DCTN5: variants seen among roughly 807,000 people sequenced by gnomAD.
DCTN5 encodes dynactin subunit 5.
DCTN5 carries 14 observed loss-of-function variants against 23.5 expected under a neutral mutation model. The ratio of observed to expected loss-of-function variants is 0.60; its 90% CI spans 0.39 to 0.93. The LOEUF is 0.93. Ranked by LOEUF, DCTN5 falls within the 40% of genes least tolerant of loss-of-function variation. The probability of loss-of-function intolerance (pLI) is 0.00; values close to 1 mark genes in which losing one functional copy is unlikely to be tolerated. For synonymous variants in DCTN5, 67 were observed against 79.6 expected, an observed-to-expected ratio of 0.84 and a Z score of 0.84; for missense variants, 156 against 225.9, an observed-to-expected ratio of 0.69 and a Z score of 1.98.
intron 4 of DCTN5, among the ~76,000 whole-genome samples, chr16:23,664,689 G>A (rs747509589): frequency 1.4e-4 from 22 of 152,316 alleles, no homozygotes; most frequent in Non-Finnish European, 2.9e-4. Context: ...TCTGAATGCC[G>A]TGGATCATGG....
intron 2 of DCTN5, among the ~76,000 whole-genome samples, chr16:23,653,006 G>A (rs963866875): frequency 2.6e-5 from 4 of 152,236 alleles, no homozygotes; most frequent in Admixed American, 2.6e-4. Context: ...GCTGGGCTTG[G>A]TGGTGCACAC....
At chr16:23,664,003 A>G (rs1029074711) in intron 4 of DCTN5, among the ~76,000 whole-genome samples, 2 of 152,196 alleles carry the variant, frequency 1.3e-5, no homozygotes, top group African/African-American at 4.8e-5. Context: ...CCATGGGACT[A>G]TATCATGCCT....
intron 2 of DCTN5, among the ~76,000 whole-genome samples, chr16:23,648,304 G>T (rs193041171): frequency 1.0e-3 from 154 of 150,098 alleles, no homozygotes; most frequent in African/African-American, 3.7e-3. Flanking sequence ...TATGCTACGG[G>T]CATGCACCAC....
chr16:23,656,060 C>CA (rs1053773015), intron 2 of DCTN5, among the ~76,000 whole-genome samples: 4 of 151,996 alleles, frequency 2.6e-5, no homozygotes, highest in Non-Finnish European at 5.9e-5. Context: ...CATGTCTCTA[C>CA]AAAAAATGAA....
rs189912297 is a variant in DCTN5 at position 23,665,585 on chromosome 16, G to A, written c.349-41G>A. On this transcript the variant is annotated intron_variant, in intron 4 of 5. Transcript: ENST00000300087. ...AAAATAGAAAGGAGCCTTTCACACA[G>A]TAGACTGATCCATTTCCTATTAACA... The A allele has an allele frequency of 7.0e-5, 110 of 1,571,904 alleles. 1 individual carries two copies. The East Asian group carries it at 2.3e-3, about 33-fold the overall frequency.
chr16:23,662,578 G>C (rs1390253465), intron 4 of DCTN5, among the ~76,000 whole-genome samples: 1 of 152,212 alleles, frequency 6.6e-6, no homozygotes, highest in Non-Finnish European at 1.5e-5. Context: ...TATGGAGCCA[G>C]CTCTCTGCCC....
At chr16:23,666,836 A>G in intron 5 of DCTN5, 1 of 657,052 alleles carries the variant, frequency 1.5e-6, no homozygotes, top group Non-Finnish European at 2.5e-6. Context: ...GAGGAAGGAG[A>G]GACTTTTGTT....
intron 2 of DCTN5, among the ~76,000 whole-genome samples, chr16:23,644,188 C>T (rs775002493): frequency 4.6e-5 from 7 of 151,726 alleles, no homozygotes; most frequent in Non-Finnish European, 7.4e-5. Context: ...AGTACAGTGG[C>T]GCGATCTTGG....
At chr16:23,657,863 CT>C (rs1212484431) in intron 2 of DCTN5, among the ~76,000 whole-genome samples, 1 of 152,202 alleles carries the variant, frequency 6.6e-6, no homozygotes, top group Non-Finnish European at 1.5e-5. Context: ...CCCTTGCTTA[CT>C]TTTTCCAGTT....
Position 23,673,304 on chromosome 16 carries a change from A to G in DCTN5, c.*6160A>G, listed in dbSNP as rs574736626. ...ATTTGTTTATTTTTTAAATAGAGAC[A>G]GGGTTTTACCATGTTGCCCAGACTA... is the stretch of plus-strand genomic sequence containing the variant. On this transcript the variant is annotated 3_prime_UTR_variant, in exon 6 of 6. Coordinates refer to ENST00000300087, the MANE Select transcript of DCTN5 (RefSeq NM_032486.4). 1.2e-3 allele frequency: 185 copies of G among 152,292 alleles called. No homozygotes were observed. The highest frequency in any genetic ancestry group is 4.3e-3 in the African/African-American group (179 of 41,568). 9.4% of individuals were successfully genotyped at this position (152,292 alleles called of 1,614,324 possible). A position where few individuals can be genotyped will look rare whatever the true frequency, so the allele number is the denominator to read the frequency against.
chr16:23,661,802 A>G (rs1401357330), intron 4 of DCTN5, among the ~76,000 whole-genome samples: 1 of 152,090 alleles, frequency 6.6e-6, no homozygotes, highest in Non-Finnish European at 1.5e-5. Flanking sequence ...GCGTTTATCA[A>G]GTCTCCTCTA....
rs1967998731 is a variant in DCTN5 at position 23,671,116 on chromosome 16, G to A, written c.*3972G>A. On this transcript the variant is annotated 3_prime_UTR_variant, in exon 6 of 6. Coordinates refer to ENST00000300087, the MANE Select transcript of DCTN5 (RefSeq NM_032486.4). ...TGAGGAGTGTGAGTGCTAGAGTCAG[G>A]CTGATCAAATCCCAGCCTGCCATTG... The A allele has an allele frequency of 1.3e-5, 2 of 152,176 alleles. No homozygotes were observed. Among genetic ancestry groups the A allele is most frequent in the South Asian group, 4.1e-4 (2 of 4,834 alleles). The allele number at this position is 152,176 out of a possible 1,614,324, so 9.4% of individuals were successfully genotyped here.
intron 5 of DCTN5, 176 bp downstream of exon 5, chr16:23,665,904 T>A: frequency 1.7e-6 from 1 of 603,582 alleles, no homozygotes; most frequent in Non-Finnish European, 2.9e-6. Context: ...AGCATCTGTT[T>A]AAATGCATAA....
chr16:23,642,670 T>C (rs1258838289), intron 1 of DCTN5: 1 of 282,182 alleles, frequency 3.5e-6, no homozygotes, highest in Non-Finnish European at 6.7e-6. Context: ...TTTTTTTTGT[T>C]GAGAAGGGGT....
intron 2 of DCTN5, among the ~76,000 whole-genome samples, chr16:23,645,112 TATATATATATA>T (rs1967412352): frequency 1.3e-4 from 5 of 39,832 alleles, no homozygotes; most frequent in African/African-American, 5.2e-4. Context: ...TATATATATA[TATATATATATA>T]TATATATATA....
At chr16:23,641,933 T>G (rs943357460) in intron 1 of DCTN5, among the ~76,000 whole-genome samples, 1 of 152,110 alleles carries the variant, frequency 6.6e-6, no homozygotes, top group Non-Finnish European at 1.5e-5. Context: ...TCGGTTCTTT[T>G]TTTTTGAGGA....
At position 23,667,476 on chromosome 16, in the gene DCTN5, G is replaced by GGACC; in HGVS notation, c.*333_*336dup. 1 of 279,906 alleles carries GGACC rather than the reference G, an allele frequency of 3.6e-6. No homozygotes were observed. Among genetic ancestry groups the GGACC allele is most frequent in the South Asian group, 4.8e-5 (1 of 21,048 alleles). 17.3% of individuals were successfully genotyped at this position (279,906 alleles called of 1,614,324 possible). A position where few individuals can be genotyped will look rare whatever the true frequency, so the allele number is the denominator to read the frequency against. On this transcript the variant is annotated 3_prime_UTR_variant, in exon 6 of 6. Coordinates refer to ENST00000300087, the MANE Select transcript of DCTN5 (RefSeq NM_032486.4). ...TGGATGGCTGGATCCCGCCTGAAAC[G>GGACC]GACCTGCAGAGCAGCAGCACCCTTC... is the stretch of plus-strand genomic sequence containing the variant.
chr16:23,664,885 G>A (rs1967877382), intron 4 of DCTN5, among the ~76,000 whole-genome samples: 1 of 152,230 alleles, frequency 6.6e-6, no homozygotes, highest in Non-Finnish European at 1.5e-5. Context: ...TGGTGGATGT[G>A]GAGTGGAATG....
intron 2 of DCTN5, among the ~76,000 whole-genome samples, chr16:23,647,138 T>TTTTTTTTTTTTTTTTTTTG (rs1567229244): frequency 1.4e-5 from 2 of 143,806 alleles, no homozygotes; most frequent in South Asian, 2.1e-4. Flanking sequence ...TTTTCTGGTT[T>TTTTTTTTTTTTTTTTTTTG]TTTTTTTTTT....
Sources: gnomAD v4.1 joint callset for allele counts (sites outside exome capture counted in the v4.1 genomes callset) on GRCh38, gnomAD v4.1.1 for gene constraint, MANE v1.5 for transcripts, NCBI Gene and HGNC (gene_info 2026-07-23, HGNC 2026-07-21) for gene names.